Variants in CFAP221 observed in about 807,000 individuals in gnomAD.
CFAP221 encodes the protein cilia and flagella associated protein 221, also known as cilia- and flagella-associated protein 221.
In CFAP221, 97 loss-of-function variants were observed where a neutral mutation model predicts 113.1. The observed-to-expected ratio is 0.86, with a 90% confidence interval of 0.73 to 1.02. CFAP221 has a LOEUF of 1.02. CFAP221 is among the 50% of genes least tolerant of loss of function. The probability of loss-of-function intolerance (pLI) is 0.00; values close to 1 mark genes in which losing one functional copy is unlikely to be tolerated. For synonymous variants in CFAP221, 331 were observed against 354.4 expected (o/e 0.93, Z 0.74); for missense variants, 1,025 against 1,013.4 (o/e 1.01, Z -0.16).
chr2:119,644,714 T>G (rs908432395), intron 21 of CFAP221, among the ~76,000 whole-genome samples: 1 of 152,172 alleles, frequency 6.6e-6, no homozygotes. Context: ...GCAACATACA[T>G]ATATATGTAA....
At chr2:119,620,867 A>C (rs1203063537) in intron 14 of CFAP221, among the ~76,000 whole-genome samples, 1 of 152,058 alleles carries the variant, frequency 6.6e-6, no homozygotes, top group Non-Finnish European at 1.5e-5. Context: ...GCAGAGACAC[A>C]CATAGGCTCA....
chr2:119,608,403 G>A, intron 11 of CFAP221, 99 bp from the exon 12 acceptor site: 1 of 847,468 alleles, frequency 1.2e-6, no homozygotes, highest in South Asian at 2.0e-5. Flanking sequence ...GCATCTCAGG[G>A]TTCCTTTTCA....
At chr2:119,638,743 C>T (rs936535674) in intron 20 of CFAP221, among the ~76,000 whole-genome samples, 1 of 152,168 alleles carries the variant, frequency 6.6e-6, no homozygotes, top group East Asian at 1.9e-4. Flanking sequence ...GGTCTGACCT[C>T]CTCTCTCTTT....
At chr2:119,635,968 A>G (rs925802540) in intron 19 of CFAP221, among the ~76,000 whole-genome samples, 1 of 152,234 alleles carries the variant, frequency 6.6e-6, no homozygotes, top group East Asian at 1.9e-4. Context: ...GGGGAAATCA[A>G]CTGAACATCA....
chr2:119,567,436 T>C (rs1681733686), intron 6 of CFAP221, among the ~76,000 whole-genome samples: 1 of 152,230 alleles, frequency 6.6e-6, no homozygotes, highest in Admixed American at 6.5e-5. Flanking sequence ...CCATATCTTT[T>C]CAGGGCTTGG....
intron 17 of CFAP221, 121 bp from the exon 18 acceptor site, chr2:119,630,449 C>A: frequency 2.7e-6 from 2 of 731,258 alleles, no homozygotes; most frequent in Non-Finnish European, 4.6e-6. Context: ...AATCCGATGA[C>A]TACAACATGG....
chr2:119,573,602 A>G (rs1682221523), intron 6 of CFAP221: 1 of 152,392 alleles, frequency 6.6e-6, no homozygotes, highest in Non-Finnish European at 1.5e-5. Flanking sequence ...AGGCTGAGGC[A>G]GGAGGATCAC....
intron 12 of CFAP221, among the ~76,000 whole-genome samples, chr2:119,608,923 T>C (rs530381730): frequency 1.3e-4 from 20 of 152,178 alleles, no homozygotes; most frequent in African/African-American, 3.9e-4. Context: ...GAATTTTGAG[T>C]TGGGGTCCCC....
At chr2:119,567,829 G>A (rs1681757243) in intron 6 of CFAP221, among the ~76,000 whole-genome samples, 1 of 152,110 alleles carries the variant, frequency 6.6e-6, no homozygotes. Flanking sequence ...TTTTGTAATT[G>A]TTGCCCTTGT....
Position 119,617,961 on chromosome 2 carries a change from G to T in CFAP221, c.1410+2252G>T, listed in dbSNP as rs1685638495. Among the ~76,000 whole-genome samples, 3 of 152,258 alleles carry T rather than the reference G, an allele frequency of 2.0e-5. 1 individual carries two copies. In the South Asian group the frequency reaches 6.2e-4, roughly 32 times the overall value. Reference sequence around the variant, plus strand: ...GCTCTCTTGCAAACATCTTTCCATTGTTGTCCTCTCACCATTCAAGCCTTG... The same window carrying T: ...GCTCTCTTGCAAACATCTTTCCATTTTTGTCCTCTCACCATTCAAGCCTTG... On this transcript the variant is annotated intron_variant, in intron 14 of 23. Transcript: ENST00000413369.
intron 14 of CFAP221, among the ~76,000 whole-genome samples, chr2:119,619,053 C>T (rs192764153): frequency 5.3e-5 from 8 of 152,322 alleles, no homozygotes; most frequent in South Asian, 2.1e-4. Flanking sequence ...CCTCTCTGGG[C>T]AGGGCATCTC....
intron 15 of CFAP221, among the ~76,000 whole-genome samples, chr2:119,626,238 A>T (rs929754886): frequency 3.3e-4 from 50 of 152,278 alleles, no homozygotes; most frequent in African/African-American, 1.2e-3. Context: ...TGTCTAGTGC[A>T]GAATAATCCC....
At chr2:119,624,874 G>A (rs752350761) in intron 14 of CFAP221, among the ~76,000 whole-genome samples, 15 of 152,184 alleles carry the variant, frequency 9.9e-5, no homozygotes, top group African/African-American at 2.7e-4. Flanking sequence ...CTGTCAGAGG[G>A]TGGGTGACTA....
chr2:119,585,296 A>C (rs1392224183), intron 6 of CFAP221, among the ~76,000 whole-genome samples: 1 of 152,236 alleles, frequency 6.6e-6, no homozygotes, highest in African/African-American at 2.4e-5. Flanking sequence ...ATGGTAGAAC[A>C]GTGAATACAG....
chr2:119,592,716 C>CA (rs1438638169), intron 7 of CFAP221, among the ~76,000 whole-genome samples: 3 of 152,240 alleles, frequency 2.0e-5, no homozygotes, highest in African/African-American at 7.2e-5. Flanking sequence ...CAGTGTCTCT[C>CA]TGCTGTCTGC....
At chr2:119,562,453 C>T (rs533012612) in intron 6 of CFAP221, among the ~76,000 whole-genome samples, 2 of 152,264 alleles carry the variant, frequency 1.3e-5, no homozygotes, top group South Asian at 2.1e-4. Flanking sequence ...TCATTCTCAA[C>T]AGGTCCCCTT....
intron 12 of CFAP221, among the ~76,000 whole-genome samples, chr2:119,610,262 G>A (rs974018008): frequency 1.3e-4 from 20 of 152,068 alleles, no homozygotes; most frequent in Admixed American, 7.2e-4. Flanking sequence ...GAGATCAAAC[G>A]TCTCAGGGAC....
intron 21 of CFAP221, among the ~76,000 whole-genome samples, chr2:119,642,989 C>T (rs1687586139): frequency 6.6e-6 from 1 of 151,956 alleles, no homozygotes; most frequent in African/African-American, 2.4e-5. Flanking sequence ...TAGGGTCTTG[C>T]TATGTTGCCC....
chr2:119,657,745 T>A (rs1006170116), downstream of CFAP221, among the ~76,000 whole-genome samples: 5 of 152,236 alleles, frequency 3.3e-5, no homozygotes, highest in Non-Finnish European at 5.9e-5. Flanking sequence ...TCCCTCAGTC[T>A]TTTCTCATCA....
Sources: allele counts gnomAD v4.1 joint callset (sites outside exome capture counted in the v4.1 genomes callset), GRCh38; gene constraint gnomAD v4.1.1; transcripts MANE v1.5; gene names NCBI Gene and HGNC (gene_info 2026-07-23, HGNC 2026-07-21).